TEX36: variants seen among roughly 807,000 people sequenced by gnomAD.
TEX36 encodes the protein testis-expressed protein 36.
TEX36 carries 12 observed loss-of-function variants against 13.6 expected under a neutral mutation model. That is an observed-to-expected ratio of 0.88 (90% CI 0.56 to 1.43). The LOEUF is 1.43. Among genes scored for constraint, TEX36 ranks in the 40% most tolerant of loss-of-function variants. The pLI, the probability that TEX36 is intolerant of heterozygous loss-of-function variation, is 0.00. For synonymous variants in TEX36, 93 were observed against 83.0 expected (o/e 1.12, Z -0.65); for missense variants, 224 against 228.3 (o/e 0.98, Z 0.12).
At chr10:125,653,461 G>C (rs548040114), downstream of TEX36, among the ~76,000 whole-genome samples, 4 of 129,736 alleles carry the variant, frequency 3.1e-5, no homozygotes, top group Non-Finnish European at 4.8e-5. Flanking sequence ...CACAGGGTGG[G>C]GACCATCACA....
Position 125,605,325 on chromosome 10 carries a change from AC to A in TEX36, c.265-28452del, listed in dbSNP as rs531129028. Reference sequence around the variant, plus strand: ...GCAGCAATGTGGTCAGTTATTCTCCACACGCAGCATAGTGCAGCAATGTGGT... The same window carrying A: ...GCAGCAATGTGGTCAGTTATTCTCCAACGCAGCATAGTGCAGCAATGTGGT... On this transcript the variant is annotated intron_variant, in intron 3 of 3. Coordinates refer to the TEX36 transcript ENST00000532135. 9.3e-5 allele frequency among the ~76,000 whole-genome samples: 14 copies of A among 150,358 alleles called. No homozygotes were observed. The South Asian group carries it at 2.9e-3, about 31-fold the overall frequency.
intron 3 of TEX36, chr10:125,578,161 T>G (rs539268394): frequency 1.3e-5 from 2 of 152,366 alleles, no homozygotes; most frequent in South Asian, 4.1e-4. Flanking sequence ...ATGGATTTAC[T>G]GTGGGATGTG....
intron 3 of TEX36, among the ~76,000 whole-genome samples, chr10:125,633,277 A>G (rs908946516): frequency 6.6e-6 from 1 of 152,198 alleles, no homozygotes; most frequent in African/African-American, 2.4e-5. Context: ...TAATGGTGGC[A>G]ACTTTGGAAA....
At chr10:125,610,006 G>A (rs894805837) in intron 3 of TEX36, among the ~76,000 whole-genome samples, 8 of 152,124 alleles carry the variant, frequency 5.3e-5, no homozygotes, top group Non-Finnish European at 7.4e-5. Flanking sequence ...CTCATTATGC[G>A]TTTATTATAA....
At chr10:125,674,719 A>G (rs958179001) in intron 1 of TEX36, among the ~76,000 whole-genome samples, 3 of 152,152 alleles carry the variant, frequency 2.0e-5, no homozygotes, top group Non-Finnish European at 2.9e-5. Context: ...TCCATTCCAG[A>G]CCCTATTTGC....
At chr10:125,581,601 A>C (rs1335149549) in intron 3 of TEX36, among the ~76,000 whole-genome samples, 1 of 152,140 alleles carries the variant, frequency 6.6e-6, no homozygotes, top group Non-Finnish European at 1.5e-5. Context: ...AACCCAAACT[A>C]ATCAGGAATG....
At chr10:125,583,915 G>A (rs1845913361) in intron 3 of TEX36, among the ~76,000 whole-genome samples, 1 of 152,120 alleles carries the variant, frequency 6.6e-6, no homozygotes, top group African/African-American at 2.4e-5. Context: ...CCCACCCAGA[G>A]AGGCAGAAAA....
In TEX36 at chr10:125,642,842, G is replaced by A. The variant is rs190554548; in HGVS notation, c.264+18179C>T. On this transcript the variant is annotated intron_variant, in intron 3 of 3. Transcript: ENST00000526819. ...AACAATGTCCAGCTGGAATTTAATC[G>A]CATTGGTTGGTTGGTTGGTTGGTTG... Among the ~76,000 whole-genome samples the A allele has an allele frequency of 4.7e-4, 72 of 152,142 alleles. No homozygotes were observed. In the East Asian group the frequency reaches 9.3e-3, roughly 20 times the overall value.
chr10:125,578,888 T>C (rs1845855207), intron 3 of TEX36, among the ~76,000 whole-genome samples: 1 of 152,170 alleles, frequency 6.6e-6, no homozygotes, highest in African/African-American at 2.4e-5. Context: ...GCTGATGGAC[T>C]CCCTTTCCGA....
At chr10:125,596,932 C>T (rs555943795) in intron 3 of TEX36, among the ~76,000 whole-genome samples, 94 of 152,176 alleles carry the variant, frequency 6.2e-4, no homozygotes, top group Non-Finnish European at 1.2e-3. Flanking sequence ...GTTAACTCGC[C>T]TCATCTGTAA....
At chr10:125,667,573 T>C (rs1215150682) in intron 1 of TEX36, 7 of 737,550 alleles carry the variant, frequency 9.5e-6, no homozygotes, top group African/African-American at 1.7e-5. Flanking sequence ...CATACAACCC[T>C]TGGGTGGTGG....
At chr10:125,663,750 TG>T (rs1409583020) in intron 1 of TEX36, among the ~76,000 whole-genome samples, 1 of 152,222 alleles carries the variant, frequency 6.6e-6, no homozygotes, top group Non-Finnish European at 1.5e-5. Context: ...TATATATTTA[TG>T]GGGTACATAA....
chr10:125,632,559 T>C (rs1032805327), intron 3 of TEX36, among the ~76,000 whole-genome samples: 1 of 152,058 alleles, frequency 6.6e-6, no homozygotes, highest in African/African-American at 2.4e-5. Flanking sequence ...AGAGTGTAAC[T>C]CTGAGGACCA....
exon 4 of TEX36, chr10:125,576,625 G>T: frequency 7.7e-7 from 1 of 1,296,062 alleles, no homozygotes; most frequent in Non-Finnish European, 1.0e-6. Context: ...CAAGAATGCT[G>T]AATAAATCCT....
chr10:125,605,523 C>G (rs370714922), intron 3 of TEX36, among the ~76,000 whole-genome samples: 1 of 152,200 alleles, frequency 6.6e-6, no homozygotes, highest in African/African-American at 2.4e-5. Flanking sequence ...CTTTAGAATT[C>G]TTTTGTTAGT....
chr10:125,673,710 CAAAAAAAA>C (rs3064205), intron 1 of TEX36, among the ~76,000 whole-genome samples: 1 of 68,434 alleles, frequency 1.5e-5, no homozygotes, highest in Non-Finnish European at 2.9e-5. Context: ...GACTCTCTCT[CAAAAAAAA>C]AAAAAAAAAA....
At chr10:125,583,254 C>T (rs2133523855) in intron 3 of TEX36, among the ~76,000 whole-genome samples, 1 of 151,950 alleles carries the variant, frequency 6.6e-6, no homozygotes, top group East Asian at 1.9e-4. Flanking sequence ...GCTGCCATAA[C>T]AAAATCCCCG....
rs148243933 is a variant in TEX36 at position 125,679,141 on chromosome 10, C to G, written c.51+3798G>C. 5.9e-3 allele frequency among the ~76,000 whole-genome samples: 814 copies of G among 137,648 alleles called. 17 individuals are homozygous for G. The highest frequency in any genetic ancestry group is 0.01 in the Middle Eastern group (3 of 286). 90.3% of individuals were successfully genotyped at this position (137,648 alleles called of 152,430 possible). A position where few individuals can be genotyped will look rare whatever the true frequency, so the allele number is the denominator to read the frequency against. On this transcript the variant is annotated intron_variant, in intron 1 of 3. Transcript: ENST00000368821. ...CCTTGGCTCTGGCTACAGGAGCACC[C>G]CCCCCGCCCCCGCCAAGCTGACAAC...
chr10:125,581,695 A>G (rs867941001), intron 3 of TEX36, among the ~76,000 whole-genome samples: 5 of 152,144 alleles, frequency 3.3e-5, no homozygotes, highest in Admixed American at 6.5e-5. Flanking sequence ...AAATCCTGTC[A>G]TTCTCAAACA....
Sources: gnomAD v4.1 joint callset for allele counts (sites outside exome capture counted in the v4.1 genomes callset) on GRCh38, gnomAD v4.1.1 for gene constraint, MANE v1.5 for transcripts, NCBI Gene and HGNC (gene_info 2026-07-23, HGNC 2026-07-21) for gene names.